Variants in ACSM3 observed in about 807,000 individuals in gnomAD.
ACSM3 encodes acyl-CoA synthetase medium chain family member 3, also known as acyl-coenzyme A synthetase ACSM3, mitochondrial.
Under a neutral mutation model 74.1 loss-of-function variants are expected in ACSM3, and 61 were observed. The observed-to-expected ratio is 0.82, with a 90% confidence interval of 0.67 to 1.02. ACSM3 has a LOEUF of 1.02. Ranked by LOEUF, ACSM3 falls within the 50% of genes least tolerant of loss-of-function variation. ACSM3 has a pLI of 0.00. For missense variants in ACSM3, 660 were observed against 697.0 expected (o/e 0.95, Z 0.60); for synonymous variants, 213 against 241.5 (o/e 0.88, Z 1.09).
intron 1 of ACSM3, among the ~76,000 whole-genome samples, chr16:20,724,741 C>T (rs1346796538): frequency 1.3e-5 from 2 of 152,094 alleles, no homozygotes; most frequent in African/African-American, 4.8e-5. Context: ...CAATAACAGA[C>T]AAACAGAGAG....
At chr16:20,789,518 C>G in intron 9 of ACSM3, 3 of 1,613,782 alleles carry the variant, frequency 1.9e-6, no homozygotes, top group Non-Finnish European at 2.5e-6. Flanking sequence ...CCTGTTTACT[C>G]ATATTGGGCT....
At chr16:20,791,636 C>A (rs987925522) in intron 10 of ACSM3, among the ~76,000 whole-genome samples, 1 of 152,076 alleles carries the variant, frequency 6.6e-6, no homozygotes, top group South Asian at 2.1e-4. Flanking sequence ...ATTTAAAAAT[C>A]CAATTGAGGG....
intron 1 of ACSM3, chr16:20,711,514 T>C (rs2079743760): frequency 2.1e-6 from 3 of 1,413,718 alleles, no homozygotes; most frequent in Non-Finnish European, 1.9e-6. Context: ...GACAGCAAAA[T>C]ATATCCTCTA....
At chr16:20,741,417 C>T (rs2079920033) in intron 1 of ACSM3, 2 of 1,414,484 alleles carry the variant, frequency 1.4e-6, no homozygotes, top group East Asian at 5.0e-5. Flanking sequence ...CGACCCGAGG[C>T]GCGCATGCCC....
upstream of ACSM3, chr16:20,674,467 A>C (rs2020147588): frequency 6.6e-6 from 1 of 151,478 alleles, no homozygotes. Flanking sequence ...CACCCCCAAA[A>C]TGCTTAAAAG....
chr16:20,686,877 T>C (rs922523751), intron 1 of ACSM3, among the ~76,000 whole-genome samples: 1 of 151,796 alleles, frequency 6.6e-6, no homozygotes, highest in African/African-American at 2.4e-5. Context: ...GTAGTATATG[T>C]ACAAGAAGAC....
chr16:20,765,385 T>C (rs1443021565), intron 1 of ACSM3, among the ~76,000 whole-genome samples: 1 of 152,226 alleles, frequency 6.6e-6, no homozygotes, highest in East Asian at 1.9e-4. Context: ...ATTTGCTTTT[T>C]GGTAGAACAG....
chr16:20,693,434 T>G (rs1323855651), intron 1 of ACSM3, among the ~76,000 whole-genome samples: 1 of 152,216 alleles, frequency 6.6e-6, no homozygotes, highest in African/African-American at 2.4e-5. Context: ...ATCCTTTCTT[T>G]CCATGTAAAT....
At chr16:20,727,788 G>T (rs1489532141) in intron 1 of ACSM3, among the ~76,000 whole-genome samples, 1 of 152,160 alleles carries the variant, frequency 6.6e-6, no homozygotes, top group African/African-American at 2.4e-5. Flanking sequence ...GCCTCTGTGG[G>T]GAATTTATTC....
upstream of ACSM3, among the ~76,000 whole-genome samples, chr16:20,761,330 G>A (rs2080075076): frequency 6.6e-6 from 1 of 152,178 alleles, no homozygotes. Flanking sequence ...CATGTTCTCA[G>A]GACCTCCTAA....
At chr16:20,784,066 A>G (rs1248998771) in intron 7 of ACSM3, among the ~76,000 whole-genome samples, 3 of 152,168 alleles carry the variant, frequency 2.0e-5, no homozygotes, top group Admixed American at 6.5e-5. Context: ...TCTAACTCCC[A>G]AAGTGCTGGG....
chr16:20,697,954 G>A (rs1477770655), intron 1 of ACSM3, among the ~76,000 whole-genome samples: 1 of 152,160 alleles, frequency 6.6e-6, no homozygotes, highest in Non-Finnish European at 1.5e-5. Flanking sequence ...CAGCACATTG[G>A]GAGGCCGAGG....
At chr16:20,709,962 T>A (rs1010021532) in intron 1 of ACSM3, among the ~76,000 whole-genome samples, 5 of 152,334 alleles carry the variant, frequency 3.3e-5, no homozygotes, top group Non-Finnish European at 7.4e-5. Context: ...GTCAGGCACA[T>A]AATAAATGTT....
Position 20,775,983 on chromosome 16 carries a change from C to A in ACSM3, c.364C>A (p.Arg122=). Residue 122 remains arginine (R), a synonymous_variant, in exon 3 of 14, where the codon CGG becomes AGG. Transcript: ENST00000289416. Reference sequence around the variant, plus strand: ...AGCCTGTTCCCTACAAAGAGGAGATCGGGTAATTCTGATTCTGCCCAGGGT... The same window carrying A: ...AGCCTGTTCCCTACAAAGAGGAGATAGGGTAATTCTGATTCTGCCCAGGGT... ...SEACSLQRGD[R]VILILPRVPE... 3.7e-6 allele frequency: 6 copies of A among 1,614,118 alleles called. No homozygotes were observed. Among genetic ancestry groups the A allele is most frequent in the Non-Finnish European group, 4.2e-6 (5 of 1,180,030 alleles).
At chr16:20,691,751 A>ATGTG (rs59929923) in intron 1 of ACSM3, among the ~76,000 whole-genome samples, 7,008 of 133,628 alleles carry the variant, frequency 0.052, 230 homozygotes, top group East Asian at 0.078. Context: ...TACCTCTCCA[A>ATGTG]TGTGTGTGTG....
At chr16:20,788,529 T>C (rs2152481711) in intron 9 of ACSM3, among the ~76,000 whole-genome samples, 1 of 152,354 alleles carries the variant, frequency 6.6e-6, no homozygotes, top group Non-Finnish European at 1.5e-5. Context: ...GGGCCGTTAT[T>C]ATGGGGCTTC....
At chr16:20,751,625 G>T (rs2079989632) in intron 2 of ACSM3, among the ~76,000 whole-genome samples, 1 of 152,112 alleles carries the variant, frequency 6.6e-6, no homozygotes, top group Non-Finnish European at 1.5e-5. Flanking sequence ...GTGGGGCTCG[G>T]AGAAGCCCTG....
intron 1 of ACSM3, among the ~76,000 whole-genome samples, chr16:20,708,273 C>A (rs1054173401): frequency 1.3e-5 from 2 of 152,140 alleles, no homozygotes; most frequent in Admixed American, 6.5e-5. Flanking sequence ...TGCACTCCAG[C>A]CTGGGTGACA....
intron 1 of ACSM3, chr16:20,741,481 G>GGGGGGCCCC: frequency 7.6e-7 from 1 of 1,308,412 alleles, no homozygotes; most frequent in Non-Finnish European, 9.9e-7. Flanking sequence ...CTGGCAGCCG[G>GGGGGGCCCC]CCCGCCCGCC....
Sources: gnomAD v4.1 joint callset for allele counts (sites outside exome capture counted in the v4.1 genomes callset) on GRCh38, gnomAD v4.1.1 for gene constraint, MANE v1.5 for transcripts, NCBI Gene and HGNC (gene_info 2026-07-23, HGNC 2026-07-21) for gene names.